FAM117B: variants seen among roughly 807,000 people sequenced by gnomAD.
FAM117B encodes the protein family with sequence similarity 117 member B, also known as protein FAM117B.
Under a neutral mutation model 52.8 loss-of-function variants are expected in FAM117B, and 22 were observed. The observed-to-expected ratio is 0.42, with a 90% CI of 0.30 to 0.59. The LOEUF (loss-of-function observed/expected upper bound fraction) is 0.59. Among genes scored for constraint, FAM117B ranks in the 20% least tolerant of loss-of-function variants. The pLI, the probability that FAM117B is intolerant of heterozygous loss-of-function variation, is 0.22. For missense variants in FAM117B, 678 were observed against 802.6 expected, an observed-to-expected ratio of 0.84 and a Z score of 1.88; for synonymous variants, 309 against 324.1, an observed-to-expected ratio of 0.95 and a Z score of 0.50.
intron 3 of FAM117B, among the ~76,000 whole-genome samples, chr2:202,725,629 T>C (rs1004877575): frequency 6.6e-6 from 1 of 152,190 alleles, no homozygotes; most frequent in African/African-American, 2.4e-5. Flanking sequence ...ACATTTATTA[T>C]TTTTCTATAT....
chr2:202,672,597 T>G (rs1690315189), intron 1 of FAM117B, among the ~76,000 whole-genome samples: 1 of 152,254 alleles, frequency 6.6e-6, no homozygotes, highest in African/African-American at 2.4e-5. Context: ...TTTCACAAAA[T>G]TGAAACTTCA....
At chr2:202,732,171 G>A (rs973619934) in intron 4 of FAM117B, among the ~76,000 whole-genome samples, 5 of 151,850 alleles carry the variant, frequency 3.3e-5, no homozygotes, top group African/African-American at 4.8e-5. Context: ...GATTACAGGC[G>A]TGAGCCACCG....
At chr2:202,676,669 C>T (rs780397239) in intron 1 of FAM117B, among the ~76,000 whole-genome samples, 59 of 152,202 alleles carry the variant, frequency 3.9e-4, no homozygotes, top group Non-Finnish European at 7.6e-4. Context: ...TGGGCCACCG[C>T]GCCTGGTCAG....
At chr2:202,695,437 A>T (rs752637611) in intron 1 of FAM117B, among the ~76,000 whole-genome samples, 61 of 151,876 alleles carry the variant, frequency 4.0e-4, no homozygotes, top group Non-Finnish European at 6.3e-4. Flanking sequence ...CCTTTGTCCA[A>T]CGTATGCACG....
chr2:202,735,651 C>G (rs1365848967), intron 4 of FAM117B, among the ~76,000 whole-genome samples: 5 of 152,172 alleles, frequency 3.3e-5, no homozygotes, highest in African/African-American at 1.2e-4. Flanking sequence ...ATATAGCCAA[C>G]ACATTTCAGA....
At chr2:202,762,896 G>A (rs1574308316) in intron 7 of FAM117B, among the ~76,000 whole-genome samples, 2 of 151,946 alleles carry the variant, frequency 1.3e-5, no homozygotes, top group Non-Finnish European at 2.9e-5. Flanking sequence ...TATTTTGTGT[G>A]AGGTATATCG....
chr2:202,682,792 A>G (rs553892337), intron 1 of FAM117B, among the ~76,000 whole-genome samples: 1 of 152,344 alleles, frequency 6.6e-6, no homozygotes, highest in Admixed American at 6.5e-5. Flanking sequence ...AAACTTTTCT[A>G]AATAATCCAT....
chr2:202,665,212 C>T (rs189493071), intron 1 of FAM117B, among the ~76,000 whole-genome samples: 185 of 149,476 alleles, frequency 1.2e-3, no homozygotes, highest in Non-Finnish European at 2.2e-3. Context: ...GACAGAGTTT[C>T]GTATGCTGCC....
chr2:202,747,374 G>A (rs78276217), intron 4 of FAM117B, among the ~76,000 whole-genome samples: 4,300 of 152,184 alleles, frequency 0.028, 92 homozygotes, highest in Middle Eastern at 0.054. Context: ...AACACGACAA[G>A]GGTGCCCATT....
intron 1 of FAM117B, among the ~76,000 whole-genome samples, chr2:202,657,705 C>T (rs940634336): frequency 7.3e-5 from 11 of 151,666 alleles, no homozygotes; most frequent in African/African-American, 2.4e-4. Flanking sequence ...AAGCTGGTCT[C>T]GACCTCGTAG....
At chr2:202,732,048 T>TTA (rs1298644011) in intron 4 of FAM117B, among the ~76,000 whole-genome samples, 10 of 146,274 alleles carry the variant, frequency 6.8e-5, no homozygotes, top group African/African-American at 2.5e-4. Flanking sequence ...TTATTTTTCT[T>TTA]TTTTTTTTTT....
At chr2:202,691,149 TC>T (rs535410158) in intron 1 of FAM117B, among the ~76,000 whole-genome samples, 1 of 152,172 alleles carries the variant, frequency 6.6e-6, no homozygotes, top group Non-Finnish European at 1.5e-5. Flanking sequence ...GCATGGTGGC[TC>T]ACGTCTGTAA....
chr2:202,676,667 C>T (rs991062628), intron 1 of FAM117B, among the ~76,000 whole-genome samples: 3 of 152,058 alleles, frequency 2.0e-5, no homozygotes, highest in African/African-American at 7.2e-5. Context: ...TGTGGGCCAC[C>T]GCGCCTGGTC....
chr2:202,719,278 G>C (rs1260866640), intron 2 of FAM117B, among the ~76,000 whole-genome samples: 1 of 152,016 alleles, frequency 6.6e-6, no homozygotes, highest in Admixed American at 6.6e-5. Flanking sequence ...ATTTTTATTT[G>C]TCTTAGTAAT....
chr2:202,762,733 C>T (rs1286748860), intron 7 of FAM117B, among the ~76,000 whole-genome samples: 1 of 151,570 alleles, frequency 6.6e-6, no homozygotes, highest in East Asian at 1.9e-4. Context: ...TCTTAGAAGC[C>T]ACAGAGGTTA....
At chr2:202,764,384 C>T (rs1295300858) in intron 7 of FAM117B, among the ~76,000 whole-genome samples, 1 of 152,048 alleles carries the variant, frequency 6.6e-6, no homozygotes, top group African/African-American at 2.4e-5. Context: ...CCCACCTCAG[C>T]CTCCCAGGTA....
chr2:202,680,010 G>A (rs13430603), intron 1 of FAM117B, among the ~76,000 whole-genome samples: 13,680 of 152,080 alleles, frequency 0.09, 2,074 homozygotes, highest in African/African-American at 0.31. Context: ...GAAATATATT[G>A]AAAAGAACTG....
chr2:202,739,409 G>A (rs1043192858), intron 4 of FAM117B, among the ~76,000 whole-genome samples: 2 of 149,506 alleles, frequency 1.3e-5, no homozygotes, highest in African/African-American at 4.9e-5. Flanking sequence ...CTTTCTGTCT[G>A]TCTTCCTGTC....
intron 4 of FAM117B, among the ~76,000 whole-genome samples, chr2:202,736,900 G>A (rs576680117): frequency 1.4e-4 from 21 of 151,556 alleles, no homozygotes; most frequent in African/African-American, 4.6e-4. Context: ...GCCTATCAAA[G>A]CACATTTTCA....
Sources: gnomAD v4.1 joint callset for allele counts (sites outside exome capture counted in the v4.1 genomes callset) on GRCh38, gnomAD v4.1.1 for gene constraint, MANE v1.5 for transcripts, NCBI Gene and HGNC (gene_info 2026-07-23, HGNC 2026-07-21) for gene names.